Variants in RET observed in about 807,000 individuals in gnomAD.
RET encodes ret proto-oncogene.
A neutral mutation model predicts 118.3 loss-of-function variants in RET; 19 were observed. The observed-to-expected ratio is 0.16, with a 90% CI of 0.11 to 0.24. The LOEUF (loss-of-function observed/expected upper bound fraction) is 0.24, where lower values mean the gene tolerates loss of function less well. Among genes scored for constraint, RET ranks in the 10% least tolerant of loss-of-function variants. RET has a pLI of 1.00. For missense variants in RET, 1,219 were observed against 1,502.1 expected (o/e 0.81, Z 3.12); for synonymous variants, 597 against 644.1 (o/e 0.93, Z 1.11).
intron 1 of RET, among the ~76,000 whole-genome samples, chr10:43,091,014 C>T (rs1277511915): frequency 6.6e-6 from 1 of 151,796 alleles, no homozygotes; most frequent in Non-Finnish European, 1.5e-5. Context: ...ACCAGGGCAG[C>T]AGGGTGATGC....
intron 2 of RET, among the ~76,000 whole-genome samples, chr10:43,101,596 G>A (rs1221551868): frequency 6.6e-6 from 1 of 152,228 alleles, no homozygotes; most frequent in African/African-American, 2.4e-5. Context: ...GGTGGAGCTT[G>A]AGGAATGGGA....
In RET at chr10:43,077,234, G is replaced by T; in HGVS notation, c.-25G>T. ...GCCGGCCCTAGCCGCAGTCCCTCCAGCCGTGGCCCCAGCGCGCACGGGCGA... is the reference window on the plus strand; with the variant it reads ...GCCGGCCCTAGCCGCAGTCCCTCCATCCGTGGCCCCAGCGCGCACGGGCGA... On this transcript the variant is annotated 5_prime_UTR_variant, in exon 1 of 20. Transcript: ENST00000355710. 6.7e-7 allele frequency: 1 copy of T among 1,494,232 alleles called. No individual in the cohort carries two copies. Among genetic ancestry groups the T allele is most frequent in the Non-Finnish European group, 8.9e-7 (1 of 1,127,174 alleles). 92.6% of individuals were successfully genotyped at this position (1,494,232 alleles called of 1,614,324 possible).
intron 8 of RET, 121 bp downstream of exon 8, chr10:43,112,345 A>C: frequency 1.4e-6 from 2 of 1,431,026 alleles, no homozygotes; most frequent in Non-Finnish European, 1.9e-6. Flanking sequence ...CTGGCACCTC[A>C]TCCCCCATGT....
chr10:43,123,713 G>A lies in RET; in HGVS notation c.2844G>A (p.Gly948=), dbSNP rs749196396. 2.5e-6 allele frequency: 4 copies of A among 1,614,064 alleles called. No individual in the cohort carries two copies. The African/African-American group carries it at 4.0e-5, about 16-fold the overall frequency. ...TGCTGTGGGAGATCGTGACCCTAGG[G>A]GGAAACCCCTATCCTGGGATTCCTC... is the stretch of plus-strand genomic sequence containing the variant. ...GVLLWEIVTL[G]GNPYPGIPPE... The change falls in exon 17 of 20, where the codon GGG becomes GGA. Residue 948 remains glycine, a synonymous_variant. Transcript: ENST00000355710.
rs760940841 is a variant in RET at position 43,105,208 on chromosome 10, G to T, written c.867+15G>T. 1.9e-6 allele frequency: 3 copies of T among 1,612,388 alleles called. No individual in the cohort carries two copies. The African/African-American group carries it at 4.0e-5, about 22-fold the overall frequency. On this transcript the variant is annotated intron_variant, in intron 4 of 19. Coordinates refer to ENST00000355710, the MANE Select transcript of RET (RefSeq NM_020975.6). ...AGCGGAAGGAGGTGCTTGTCCGCGC[G>T]TGCTGTGGTCTACCCAGTGTCTGTC...
chr10:43,090,127 C>G (rs1837380929), intron 1 of RET, among the ~76,000 whole-genome samples: 1 of 152,156 alleles, frequency 6.6e-6, no homozygotes, highest in Non-Finnish European at 1.5e-5. Context: ...GTGAGTAGGC[C>G]CAGGCCTGGC....
At chr10:43,098,047 T>C (rs929589110) in intron 1 of RET, among the ~76,000 whole-genome samples, 1 of 152,214 alleles carries the variant, frequency 6.6e-6, no homozygotes, top group African/African-American at 2.4e-5. Context: ...TATTTATCCA[T>C]CTTTTTAAAA....
At chr10:43,125,812 C>T (rs1401814788) in intron 18 of RET, among the ~76,000 whole-genome samples, 4 of 152,152 alleles carry the variant, frequency 2.6e-5, no homozygotes, top group African/African-American at 9.7e-5. Flanking sequence ...GACCTAGGAC[C>T]CCATAGGAAA....
In RET at chr10:43,126,560, ATC is replaced by A; in HGVS notation, c.3040-11_3040-10del. ...GGCACATGGCTTGGAGTGACCGGCC[ATC>A]TCTGTCTTCCAGGACTACTTGGACC... On this transcript the variant is annotated splice_polypyrimidine_tract_variant and intron_variant, in intron 18 of 19. Coordinates refer to ENST00000355710, the MANE Select transcript of RET (RefSeq NM_020975.6). 1 of 1,611,972 alleles carries A rather than the reference ATC, an allele frequency of 6.2e-7. No homozygotes were observed. The highest frequency in any genetic ancestry group is 1.1e-5 in the South Asian group (1 of 91,022).
intron 13 of RET, 119 bp downstream of exon 13, chr10:43,118,599 C>G (rs1349571668): frequency 1.2e-6 from 1 of 812,718 alleles, no homozygotes; most frequent in Non-Finnish European, 2.1e-6. Context: ...CCTGTTCTCC[C>G]TCTTTCTGGA....
intron 1 of RET, among the ~76,000 whole-genome samples, chr10:43,099,697 C>G (rs1431790877): frequency 6.6e-5 from 10 of 152,182 alleles, no homozygotes. Context: ...CCAATCTGTC[C>G]ACCTCCCCCA....
intron 17 of RET, 63 bp downstream of exon 17, chr10:43,123,871 C>G: frequency 1.2e-6 from 2 of 1,610,096 alleles, no homozygotes; most frequent in Non-Finnish European, 1.7e-6. Flanking sequence ...TGTGTGCATT[C>G]CCTCCCCATC....
chr10:43,088,871 C>T (rs549153297), intron 1 of RET, among the ~76,000 whole-genome samples: 11 of 152,306 alleles, frequency 7.2e-5, no homozygotes, highest in South Asian at 4.1e-4. Flanking sequence ...CATTCACCTC[C>T]GGCCCTGTGC....
intron 18 of RET, 129 bp downstream of exon 18, chr10:43,125,111 G>A (rs943940984): frequency 1.2e-6 from 1 of 847,738 alleles, no homozygotes; most frequent in Non-Finnish European, 2.0e-6. Context: ...CAGAGAGAGA[G>A]AGTCATGCTC....
intron 11 of RET, among the ~76,000 whole-genome samples, chr10:43,116,135 T>A (rs1335194685): frequency 6.6e-6 from 1 of 152,092 alleles, no homozygotes; most frequent in African/African-American, 2.4e-5. Flanking sequence ...GGTGAGCGGG[T>A]GCGTGAGGGC....
chr10:43,121,711 C>T (rs1307119313), intron 15 of RET, among the ~76,000 whole-genome samples: 2 of 152,152 alleles, frequency 1.3e-5, no homozygotes, highest in East Asian at 3.9e-4. Flanking sequence ...ACAAGCTGGC[C>T]CTGTGTGCCT....
chr10:43,097,605 A>T (rs138995070), intron 1 of RET, among the ~76,000 whole-genome samples: 1 of 152,084 alleles, frequency 6.6e-6, no homozygotes, highest in Non-Finnish European at 1.5e-5. Context: ...ATGAGTTACA[A>T]TCTCTCACCC....
intron 16 of RET, among the ~76,000 whole-genome samples, chr10:43,123,181 ACAGTTAAAATGT>A (rs1224323473): frequency 6.6e-6 from 1 of 152,106 alleles, no homozygotes; most frequent in Non-Finnish European, 1.5e-5. Context: ...GTTTTCCTTC[ACAGTTAAAATGT>A]TTTTCTATAG....
At chr10:43,081,723 C>T (rs1007209476) in intron 1 of RET, among the ~76,000 whole-genome samples, 1 of 152,194 alleles carries the variant, frequency 6.6e-6, no homozygotes, top group Non-Finnish European at 1.5e-5. Context: ...CCAGGCACTG[C>T]ACCCCTTGGG....
Sources: gnomAD v4.1 joint callset for allele counts (sites outside exome capture counted in the v4.1 genomes callset) on GRCh38, gnomAD v4.1.1 for gene constraint, MANE v1.5 for transcripts, NCBI Gene and HGNC (gene_info 2026-07-23, HGNC 2026-07-21) for gene names.